Variants in SCAI observed in about 807,000 individuals in gnomAD.
SCAI encodes the protein protein SCAI.
In SCAI, 24 loss-of-function variants were observed where a neutral mutation model predicts 92.2. The observed-to-expected ratio is 0.26, with a 90% confidence interval of 0.19 to 0.37. The LOEUF (loss-of-function observed/expected upper bound fraction) is 0.37, where lower values mean the gene tolerates loss of function less well. Ranked by LOEUF, SCAI falls within the 10% of genes least tolerant of loss-of-function variation. SCAI has a pLI of 1.00. For missense variants in SCAI, 450 were observed against 736.2 expected, an observed-to-expected ratio of 0.61 and a Z score of 4.50; for synonymous variants, 261 against 258.6, an observed-to-expected ratio of 1.01 and a Z score of -0.09.
intron 14 of SCAI, among the ~76,000 whole-genome samples, chr9:124,980,211 G>A (rs573041794): frequency 3.9e-5 from 6 of 152,040 alleles, no homozygotes; most frequent in African/African-American, 1.4e-4. Flanking sequence ...TAGCCATGTC[G>A]CTTTTCCTCT....
At chr9:125,138,249 CTTTTTTTTTTTT>C (rs10570060) in intron 2 of SCAI, among the ~76,000 whole-genome samples, 80 of 104,206 alleles carry the variant, frequency 7.7e-4, no homozygotes, top group Non-Finnish European at 1.6e-4. Flanking sequence ...ACTATTATTT[CTTTTTTTTTTTT>C]TTTTTTTTTT....
intron 13 of SCAI, among the ~76,000 whole-genome samples, chr9:124,997,415 C>T (rs917025654): frequency 3.3e-5 from 5 of 152,064 alleles, no homozygotes; most frequent in Admixed American, 1.3e-4. Flanking sequence ...ATCCAAAACC[C>T]GAAACACTTT....
At chr9:125,109,436 T>C (rs957783139) in intron 2 of SCAI, among the ~76,000 whole-genome samples, 3 of 152,046 alleles carry the variant, frequency 2.0e-5, no homozygotes, top group East Asian at 3.8e-4. Context: ...GTTATTAAAG[T>C]GCCATGTATT....
chr9:125,046,314 TATAC>T (rs1172081914), intron 3 of SCAI, among the ~76,000 whole-genome samples: 144 of 13,280 alleles, frequency 0.011, 2 homozygotes, highest in Non-Finnish European at 0.024. Flanking sequence ...CTCATATATA[TATAC>T]ACACACACAC....
In SCAI at chr9:124,953,053, T is replaced by C. The variant is rs765766937; in HGVS notation, c.1675-100A>G. 2.4e-4 allele frequency: 221 copies of C among 903,798 alleles called. 1 individual carries two copies. Among genetic ancestry groups the C allele is most frequent in the Non-Finnish European group, 3.7e-4 (209 of 570,776 alleles). 56.0% of individuals were successfully genotyped at this position (903,798 alleles called of 1,614,324 possible). A position where few individuals can be genotyped will look rare whatever the true frequency, so the allele number is the denominator to read the frequency against. On this transcript the variant is annotated intron_variant, in intron 17 of 17. Coordinates refer to ENST00000336505, the MANE Select transcript of SCAI (RefSeq NM_001144877.3). The stretch of plus-strand genomic sequence containing the variant: ...AAGGAGTAATATGTATTTTCACTTT[T>C]ATACTGGAATGATTCTTATTAATAT...
At chr9:125,073,696 G>T (rs1834028313) in intron 2 of SCAI, among the ~76,000 whole-genome samples, 1 of 152,150 alleles carries the variant, frequency 6.6e-6, no homozygotes, top group East Asian at 1.9e-4. Flanking sequence ...GCAGCAAAAA[G>T]ACACTTATAC....
chr9:125,035,351 T>C (rs1833171941), intron 3 of SCAI, among the ~76,000 whole-genome samples: 1 of 151,636 alleles, frequency 6.6e-6, no homozygotes, highest in African/African-American at 2.4e-5. Flanking sequence ...TGAGACTCTA[T>C]CTTAAAAAAA....
intron 15 of SCAI, 49 bp from the exon 16 acceptor site, chr9:124,971,893 T>C: frequency 8.6e-7 from 1 of 1,168,518 alleles, no homozygotes; most frequent in Non-Finnish European, 1.2e-6. Context: ...TTGCAAAAGA[T>C]AAGAGATACA....
intron 2 of SCAI, among the ~76,000 whole-genome samples, chr9:125,087,374 TGC>T (rs1564407655): frequency 1.3e-5 from 2 of 152,192 alleles, no homozygotes; most frequent in Non-Finnish European, 2.9e-5. Flanking sequence ...ACTTGGTCCT[TGC>T]CCTCAAGAAG....
intron 2 of SCAI, among the ~76,000 whole-genome samples, chr9:125,118,244 T>A (rs185098168): frequency 7.2e-5 from 11 of 152,304 alleles, no homozygotes; most frequent in Admixed American, 7.2e-4. Context: ...ACTTCTGTAA[T>A]CCCAACATTC....
At chr9:124,976,016 G>A (rs1025422938) in intron 15 of SCAI, 98 bp downstream of exon 15, 31 of 780,534 alleles carry the variant, frequency 4.0e-5, no homozygotes, top group Admixed American at 1.2e-4. Context: ...ATCCACACGC[G>A]ATCATTATGG....
At chr9:125,054,757 G>C (rs763314116) in intron 3 of SCAI, among the ~76,000 whole-genome samples, 1 of 152,214 alleles carries the variant, frequency 6.6e-6, no homozygotes, top group Non-Finnish European at 1.5e-5. Context: ...GCAGAAGAGT[G>C]CAAGAGTTAA....
chr9:124,981,565 G>T (rs558342287), intron 14 of SCAI, among the ~76,000 whole-genome samples: 1 of 152,108 alleles, frequency 6.6e-6, no homozygotes, highest in African/African-American at 2.4e-5. Context: ...TTAAGAACAC[G>T]TGATGAGTGT....
chr9:124,962,709 A>G (rs750865677), intron 17 of SCAI, among the ~76,000 whole-genome samples: 12 of 152,192 alleles, frequency 7.9e-5, no homozygotes, highest in Non-Finnish European at 1.5e-4. Flanking sequence ...ATAGCCTACC[A>G]GTAACTAGAA....
chr9:124,977,634 A>G (rs1831787569), intron 14 of SCAI, among the ~76,000 whole-genome samples: 3 of 152,234 alleles, frequency 2.0e-5, no homozygotes, highest in African/African-American at 7.2e-5. Flanking sequence ...TGATTGTGCC[A>G]CTGCACTCCA....
In SCAI at chr9:125,116,133, C is replaced by T. The variant is rs558574025; in HGVS notation, c.98+26500G>A. ...CTGGGAGGCGGAGGTTGCAGTGAGC[C>T]GAGATTGCACCATTGCACTCCAGCT... On this transcript the variant is annotated intron_variant, in intron 2 of 17. Transcript: ENST00000336505. 3.3e-5 allele frequency among the ~76,000 whole-genome samples: 5 copies of T among 151,868 alleles called. No homozygotes were observed. The East Asian group carries it at 9.7e-4, about 29-fold the overall frequency.
At chr9:125,117,780 A>T (rs917512540) in intron 2 of SCAI, among the ~76,000 whole-genome samples, 1 of 151,940 alleles carries the variant, frequency 6.6e-6, no homozygotes, top group Non-Finnish European at 1.5e-5. Context: ...AAACCCTCAC[A>T]GGAAATTATC....
chr9:125,098,645 A>C (rs189648265), intron 2 of SCAI, among the ~76,000 whole-genome samples: 1 of 152,330 alleles, frequency 6.6e-6, no homozygotes, highest in Non-Finnish European at 1.5e-5. Context: ...CATGGCTGCA[A>C]GATGCAGTCA....
chr9:124,997,070 C>G (rs765536186), intron 13 of SCAI, among the ~76,000 whole-genome samples: 1 of 152,198 alleles, frequency 6.6e-6, no homozygotes, highest in Non-Finnish European at 1.5e-5. Context: ...CACTCTGCTT[C>G]TGAGTGCAAC....
Sources: gnomAD v4.1 joint callset for allele counts (sites outside exome capture counted in the v4.1 genomes callset) on GRCh38, gnomAD v4.1.1 for gene constraint, MANE v1.5 for transcripts, NCBI Gene and HGNC (gene_info 2026-07-23, HGNC 2026-07-21) for gene names.